LRP2: variants seen among roughly 807,000 people sequenced by gnomAD.
LRP2 encodes the protein low-density lipoprotein receptor-related protein 2.
In LRP2, 172 loss-of-function variants were observed where a neutral mutation model predicts 531.0. The observed-to-expected ratio is 0.32, with a 90% CI of 0.29 to 0.37. The LOEUF (loss-of-function observed/expected upper bound fraction) is 0.37. Ranked by LOEUF, LRP2 falls within the 10% of genes least tolerant of loss-of-function variation. The probability of loss-of-function intolerance (pLI) is 1.00; values close to 1 mark genes in which losing one functional copy is unlikely to be tolerated. For missense variants in LRP2, 5,167 were observed against 5,868.3 expected, an observed-to-expected ratio of 0.88 and a Z score of 3.90; for synonymous variants, 1,992 against 2,027.6, an observed-to-expected ratio of 0.98 and a Z score of 0.47.
chr2:169,343,822 G>A (rs1005006480), intron 1 of LRP2, among the ~76,000 whole-genome samples: 2 of 152,124 alleles, frequency 1.3e-5, no homozygotes, highest in African/African-American at 4.8e-5. Flanking sequence ...GGCAGCCAGT[G>A]ATTTAAATTT....
intron 61 of LRP2, among the ~76,000 whole-genome samples, chr2:169,166,481 G>A (rs1686788750): frequency 6.6e-6 from 1 of 152,202 alleles, no homozygotes; most frequent in Non-Finnish European, 1.5e-5. Context: ...GGATCGTGGA[G>A]CACAATGGTG....
At chr2:169,158,483 G>A (rs1279802475) in intron 63 of LRP2, among the ~76,000 whole-genome samples, 1 of 151,696 alleles carries the variant, frequency 6.6e-6, no homozygotes, top group Non-Finnish European at 1.5e-5. Context: ...TGGAACTTAC[G>A]CTGACATGTT....
Position 169,169,751 on chromosome 2 carries a change from T to C in LRP2, c.11448A>G (p.Lys3816=). ...CCAAACAGTCAGCGGATCCATCGCATTTCAGTTCACTGTGTACACAATGTC... is the reference window on the plus strand; with the variant it reads ...CCAAACAGTCAGCGGATCCATCGCACTTCAGTTCACTGTGTACACAATGTC... ...TSGHCVHSEL[K]CDGSADCLDA... is the part of the protein sequence containing the mutation. Residue 3816 remains lysine, a synonymous_variant, in exon 60 of 79, where the codon AAA becomes AAG. Transcript: ENST00000649046. 6.2e-7 allele frequency: 1 copy of C among 1,614,162 alleles called. No homozygotes were observed. Among genetic ancestry groups the C allele is most frequent in the South Asian group, 1.1e-5 (1 of 91,084 alleles).
chr2:169,228,501 G>T (rs1214498635), intron 31 of LRP2, among the ~76,000 whole-genome samples: 1 of 152,004 alleles, frequency 6.6e-6, no homozygotes, highest in Non-Finnish European at 1.5e-5. Flanking sequence ...CTGCCCTTTT[G>T]AATGGGTCAT....
intron 57 of LRP2, 72 bp downstream of exon 57, chr2:169,173,024 C>A (rs78859229): frequency 0.011 from 17,001 of 1,571,990 alleles, 101 homozygotes; most frequent in Non-Finnish European, 0.013. Context: ...ACTCTCATCT[C>A]TCATCTAATA....
intron 25 of LRP2, 54 bp from the exon 26 acceptor site, chr2:169,239,829 T>C (rs1256622711): frequency 1.4e-6 from 2 of 1,470,142 alleles, no homozygotes; most frequent in Non-Finnish European, 1.9e-6. Flanking sequence ...CTTTGCTTCT[T>C]TGATTCACTC....
In LRP2 at chr2:169,272,900, C is replaced by T. The variant is rs1372332019; in HGVS notation, c.2116+27G>A. 2.5e-6 allele frequency: 4 copies of T among 1,613,344 alleles called. No homozygotes were observed. The South Asian group carries it at 4.4e-5, about 18-fold the overall frequency. ...ACACACATACACCTGTGTCACCTGCCAACAACGTCCAAAACAGACTTCTTA... is the reference window on the plus strand; with the variant it reads ...ACACACATACACCTGTGTCACCTGCTAACAACGTCCAAAACAGACTTCTTA... On this transcript the variant is annotated intron_variant, in intron 15 of 78. Transcript: ENST00000649046.
chr2:169,274,721 A>G (rs113770502), intron 14 of LRP2, among the ~76,000 whole-genome samples: 2 of 152,264 alleles, frequency 1.3e-5, no homozygotes, highest in African/African-American at 4.8e-5. Context: ...CAGTAGAATG[A>G]GGATAGGTAT....
Position 169,274,266 on chromosome 2 carries a change from A to G in LRP2, c.1975+770T>C, listed in dbSNP as rs568325673. Among the ~76,000 whole-genome samples the G allele has an allele frequency of 3.3e-5, 5 of 152,286 alleles. No individual in the cohort carries two copies. The East Asian group carries it at 9.7e-4, about 29-fold the overall frequency. On this transcript the variant is annotated intron_variant, in intron 14 of 78. Transcript: ENST00000649046. ...GTCCTGATAGACTTATCAAAGCTCA[A>G]GCTATAACCTGGAAACATAAACAAA... is the stretch of plus-strand genomic sequence containing the variant.
In LRP2 at chr2:169,259,011, A is replaced by G. The variant is rs201785482; in HGVS notation, c.2513+14T>C. The stretch of plus-strand genomic sequence containing the variant: ...TACAGTTTCAAGCTCTTAGGAAAAC[A>G]TGAACACACTTACCCGGCAAAAGGA... On this transcript the variant is annotated intron_variant, in intron 17 of 78. Coordinates refer to ENST00000649046, the MANE Select transcript of LRP2 (RefSeq NM_004525.3). 4,018 of 1,612,248 alleles carry G rather than the reference A, an allele frequency of 2.5e-3. 9 individuals are homozygous for G. The highest frequency in any genetic ancestry group is 3.8e-3 in the Middle Eastern group (23 of 6,052).
intron 4 of LRP2, among the ~76,000 whole-genome samples, chr2:169,306,614 T>A (rs536978275): frequency 6.6e-6 from 1 of 152,192 alleles, no homozygotes; most frequent in Admixed American, 6.5e-5. Context: ...ACTATAGGAC[T>A]GACACAGCAG....
chr2:169,216,242 G>C lies in LRP2; in HGVS notation c.5826+11C>G. The C allele has an allele frequency of 6.2e-7, 1 of 1,612,846 alleles. No homozygotes were observed. The highest frequency in any genetic ancestry group is 8.5e-7 in the Non-Finnish European group (1 of 1,179,274). On this transcript the variant is annotated intron_variant, in intron 35 of 78. Coordinates refer to ENST00000649046, the MANE Select transcript of LRP2 (RefSeq NM_004525.3). ...AGCATAAAGACCAAAAGACTGAAAG[G>C]GTGCTCATACCACTCCTCTTCCAGT...
intron 16 of LRP2, among the ~76,000 whole-genome samples, chr2:169,264,814 C>T (rs1690726849): frequency 6.6e-6 from 1 of 151,998 alleles, no homozygotes; most frequent in African/African-American, 2.4e-5. Context: ...GCCTAGGTCC[C>T]TCCCAGATCC....
Position 169,191,903 on chromosome 2 carries a change from A to C in LRP2, c.8961T>G (p.Asn2987Lys), listed in dbSNP as rs758450272. ...DCTDGYDENQNCTRRTCSENE... is the reference protein window; with the variant it reads ...DCTDGYDENQKCTRRTCSENE... The stretch of plus-strand genomic sequence containing the variant: ...TTTCAGAGCAAGTTCTCCTGGTGCA[A>C]TTCTGATTCTCATCGTAGCCGTCAG... The change falls in exon 48 of 79, where the codon AAT becomes AAG. Residue 2987 changes from asparagine (N) to lysine (K), a missense_variant. Transcript: ENST00000649046. 5 of 1,614,032 alleles carry C rather than the reference A, an allele frequency of 3.1e-6. No homozygotes were observed. The highest frequency in any genetic ancestry group is 4.2e-6 in the Non-Finnish European group (5 of 1,180,022).
chr2:169,267,420 G>A (rs951912723), intron 16 of LRP2, among the ~76,000 whole-genome samples: 3 of 152,066 alleles, frequency 2.0e-5, no homozygotes, highest in African/African-American at 7.2e-5. Flanking sequence ...AGACCACAAG[G>A]CAATCAAATT....
At position 169,182,315 on chromosome 2, in the gene LRP2, G is replaced by A. The variant is rs775817900; in HGVS notation, c.9850C>T (p.Leu3284Phe). Residue 3284 changes from leucine (L) to phenylalanine (F), a missense_variant, in exon 51 of 79, where the codon CTC becomes TTC. Physicochemically the swap from Leu to Phe is conservative, Grantham distance 22. This residue lies in a region of LRP2 where 1,129 missense variants were observed against 1,362.7 expected (regional missense o/e 0.83). Transcript: ENST00000649046. The stretch of plus-strand genomic sequence containing the variant: ...TCCAGGCGGGCATCCAACCAGTAGA[G>A]CTTTCTAAAATGGAGAGCCAGGAGT... The part of the protein sequence containing the change: ...SLAVDWVSRK[L>F]YWLDARLDGL... The A allele has an allele frequency of 3.1e-6, 5 of 1,613,596 alleles. No homozygotes were observed. The highest frequency in any genetic ancestry group is 4.2e-6 in the Non-Finnish European group (5 of 1,179,886).
rs188918037 is a variant in LRP2 at position 169,137,402 on chromosome 2, T to G, written c.13610A>C (p.Gln4537Pro). The G allele has an allele frequency of 7.1e-4, 1,137 of 1,612,572 alleles. 13 individuals carry two copies. The Admixed American group carries it at 0.019, about 26-fold the overall frequency. ...TGTATGGTTTCTCACCTGGATTGGC[T>G]GAACCACTTTGACAGCACTGTCTCT... is the stretch of plus-strand genomic sequence containing the variant. ...SARDSAVKVV[Q>P]PIQVTVSENV... The change falls in exon 76 of 79, where the codon CAG becomes CCG. Residue 4537 changes from glutamine (Q) to proline (P), a missense_variant. By Grantham distance (76) the Gln-to-Pro change is moderately conservative (BLOSUM62 -1). Around this residue, in one of 6 missense-constraint regions of LRP2, gnomAD observed 348 missense variants for 369.3 expected, o/e 0.94. Coordinates refer to ENST00000649046, the MANE Select transcript of LRP2 (RefSeq NM_004525.3).
chr2:169,329,656 A>G lies in LRP2; in HGVS notation c.80-8772T>C, dbSNP rs1217281434. Among the ~76,000 whole-genome samples, 37 of 152,206 alleles carry G rather than the reference A, an allele frequency of 2.4e-4. 1 individual carries two copies. The highest frequency in any genetic ancestry group is 2.0e-3 in the Admixed American group (31 of 15,284). ...GAAAAGAGCTTGGAGCTCCACTTCA[A>G]TCCCCAGAACCTCACCCCAACCCTG... On this transcript the variant is annotated intron_variant, in intron 1 of 78. Coordinates refer to ENST00000649046, the MANE Select transcript of LRP2 (RefSeq NM_004525.3).
At position 169,239,858 on chromosome 2, in the gene LRP2, G is replaced by A. The variant is rs1689741413; in HGVS notation, c.4046-83C>T. The A allele has an allele frequency of 5.9e-6, 7 of 1,184,714 alleles. No homozygotes were observed. The South Asian group carries it at 7.6e-5, about 13-fold the overall frequency. The allele number at this position is 1,184,714 out of a possible 1,614,324, so 73.4% of individuals were successfully genotyped here. ...TTCACTCTTATGCAATATTTATTAT[G>A]CAGTCTCATGCCACCTTCAATATGA... On this transcript the variant is annotated intron_variant, in intron 25 of 78. Coordinates refer to ENST00000649046, the MANE Select transcript of LRP2 (RefSeq NM_004525.3).
Sources: gnomAD v4.1 joint callset for allele counts (sites outside exome capture counted in the v4.1 genomes callset) on GRCh38, gnomAD v4.1.1 for gene constraint, gnomAD v4.1.1 regional missense constraint, MANE v1.5 for transcripts, NCBI Gene and HGNC (gene_info 2026-07-23, HGNC 2026-07-21) for gene names.